The following OPCML variants were observed in gnomAD, a reference collection of about 807,000 sequenced individuals.
OPCML encodes the protein opioid-binding protein/cell adhesion molecule.
In OPCML, 13 loss-of-function variants were observed where a neutral mutation model predicts 37.8. The observed-to-expected ratio is 0.34, with a 90% CI of 0.22 to 0.55. The LOEUF is 0.55. OPCML is among the 20% of genes least tolerant of loss of function. OPCML has a pLI of 0.91. For missense variants in OPCML, 341 were observed against 435.6 expected (o/e 0.78, Z 1.93); for synonymous variants, 176 against 168.8 (o/e 1.04, Z -0.33).
intron 1 of OPCML, among the ~76,000 whole-genome samples, chr11:133,307,163 C>T (rs183281662): frequency 2.0e-5 from 3 of 151,996 alleles, no homozygotes; most frequent in Admixed American, 6.6e-5. Flanking sequence ...ACATCCATTT[C>T]GAAAGTAAAA....
intron 1 of OPCML, among the ~76,000 whole-genome samples, chr11:133,520,342 C>T (rs965772964): frequency 6.6e-6 from 1 of 152,104 alleles, no homozygotes; most frequent in African/African-American, 2.4e-5. Context: ...GAAGCTGAGC[C>T]TGCTGGATTA....
chr11:132,962,310 G>A lies in OPCML; in HGVS notation c.62-19300C>T, dbSNP rs923045557. Among the ~76,000 whole-genome samples the A allele has an allele frequency of 3.9e-5, 6 of 152,240 alleles. No individual in the cohort carries two copies. In the South Asian group the frequency reaches 8.3e-4, roughly 21 times the overall value. ...CAATTATCTCAGCCAATCCCGGCCC[G>A]GGCTCTCTCTGCCTGCTCACCCTCC... On this transcript the variant is annotated intron_variant, in intron 1 of 7. Transcript: ENST00000524381.
intron 1 of OPCML, chr11:133,005,791 T>C: frequency 4.1e-6 from 4 of 984,756 alleles, no homozygotes; most frequent in Non-Finnish European, 4.8e-6. Flanking sequence ...ACTCCTTCAA[T>C]TAGGAGATGG....
intron 1 of OPCML, chr11:133,420,292 A>C (rs1432037926): frequency 2.0e-5 from 20 of 985,338 alleles, no homozygotes; most frequent in Non-Finnish European, 2.4e-5. Flanking sequence ...CGTCTTTGGC[A>C]CGAAGTGCAA....
At chr11:132,759,776 G>GTT (rs1221594527) in intron 2 of OPCML, among the ~76,000 whole-genome samples, 1 of 152,034 alleles carries the variant, frequency 6.6e-6, no homozygotes, top group African/African-American at 2.4e-5. Flanking sequence ...TTTTTGAAGG[G>GTT]TTTTTCGTGT....
chr11:132,520,451 T>A (rs969189930), intron 4 of OPCML, among the ~76,000 whole-genome samples: 2 of 152,172 alleles, frequency 1.3e-5, no homozygotes, highest in African/African-American at 4.8e-5. Context: ...TTGAGATGAT[T>A]CATGTGAAAA....
chr11:132,639,736 G>A (rs2135718181), intron 3 of OPCML, among the ~76,000 whole-genome samples: 1 of 152,314 alleles, frequency 6.6e-6, no homozygotes, highest in Middle Eastern at 3.4e-3. Flanking sequence ...GAAGGATTAA[G>A]GAGCTGGTAA....
At chr11:132,856,510 C>T (rs1019505293) in intron 2 of OPCML, among the ~76,000 whole-genome samples, 2 of 152,136 alleles carry the variant, frequency 1.3e-5, no homozygotes, top group Admixed American at 6.5e-5. Context: ...TCACAGCCAG[C>T]ACCAGGGAAA....
chr11:132,560,304 C>A (rs965916795), intron 3 of OPCML, among the ~76,000 whole-genome samples: 2 of 152,156 alleles, frequency 1.3e-5, no homozygotes, highest in African/African-American at 4.8e-5. Context: ...TATCAAAAAT[C>A]AAAATCTAAT....
At chr11:132,821,435 G>A (rs1939980180) in intron 2 of OPCML, among the ~76,000 whole-genome samples, 2 of 152,304 alleles carry the variant, frequency 1.3e-5, no homozygotes, top group South Asian at 4.1e-4. Flanking sequence ...AAGACAACCA[G>A]CTCCATGTGC....
At chr11:133,521,630 C>T (rs1024408946) in intron 1 of OPCML, among the ~76,000 whole-genome samples, 1 of 152,236 alleles carries the variant, frequency 6.6e-6, no homozygotes, top group African/African-American at 2.4e-5. Flanking sequence ...AAGAGGCATC[C>T]ATCCCAGTGC....
chr11:133,532,290 G>A lies in OPCML; in HGVS notation c.35C>T (p.Ala12Val), dbSNP rs1042428514. Reference sequence around the variant, plus strand: ...TGGGATGAAGAGCAGGGCAGTTGTCGCCGAGAAGACGACCCAGTAGGCAGG... The same window carrying A: ...TGGGATGAAGAGCAGGGCAGTTGTCACCGAGAAGACGACCCAGTAGGCAGG... ...YHPAYWVVFS[A>V]TTALLFIPGV... The change falls in exon 1 of 8, where the codon GCG (alanine) becomes GTG (valine). Residue 12 changes from alanine (A) to valine (V), a missense_variant. Transcript: ENST00000524381. The A allele has an allele frequency of 6.2e-7, 1 of 1,614,036 alleles. No individual in the cohort carries two copies. Among genetic ancestry groups the A allele is most frequent in the Non-Finnish European group, 8.5e-7 (1 of 1,179,970 alleles).
intron 3 of OPCML, among the ~76,000 whole-genome samples, chr11:132,568,067 T>A (rs1418757100): frequency 6.6e-6 from 1 of 151,882 alleles, no homozygotes; most frequent in African/African-American, 2.4e-5. Flanking sequence ...TGTGTGTGTG[T>A]GTTTGATTAG....
chr11:132,753,228 C>T (rs553061667), intron 2 of OPCML, among the ~76,000 whole-genome samples: 139 of 152,288 alleles, frequency 9.1e-4, no homozygotes, highest in African/African-American at 2.6e-3. Context: ...CTGATACATT[C>T]TCCCAGCACT....
At chr11:132,503,216 A>T (rs1405153714) in intron 4 of OPCML, among the ~76,000 whole-genome samples, 2 of 152,110 alleles carry the variant, frequency 1.3e-5, no homozygotes, top group Non-Finnish European at 2.9e-5. Flanking sequence ...GTGATGTTTT[A>T]TTGGAACTTT....
intron 4 of OPCML, among the ~76,000 whole-genome samples, chr11:132,442,439 T>G (rs1252735532): frequency 6.6e-6 from 1 of 152,218 alleles, no homozygotes; most frequent in Admixed American, 6.5e-5. Context: ...TCCTGTTTAT[T>G]GCCTCAGCCA....
At chr11:133,198,585 G>T (rs1485645839) in intron 1 of OPCML, among the ~76,000 whole-genome samples, 1 of 152,220 alleles carries the variant, frequency 6.6e-6, no homozygotes, top group African/African-American at 2.4e-5. Flanking sequence ...AGACAAGAGG[G>T]CAGCATGGGA....
intron 1 of OPCML, among the ~76,000 whole-genome samples, chr11:133,377,385 A>T (rs1190694536): frequency 6.6e-6 from 1 of 152,016 alleles, no homozygotes; most frequent in Non-Finnish European, 1.5e-5. Flanking sequence ...TACATTTTCC[A>T]AACATTTTGC....
At position 132,497,176 on chromosome 11, in the gene OPCML, T is replaced by C. The variant is rs566860601; in HGVS notation, c.505+31885A>G. Among the ~76,000 whole-genome samples, 332 of 151,958 alleles carry C rather than the reference T, an allele frequency of 2.2e-3. 5 individuals carry two copies. Among genetic ancestry groups the C allele is most frequent in the South Asian group, 6.0e-3 (29 of 4,802 alleles). Reference sequence around the variant, plus strand: ...AACACCACATGTTCTCACTTATAAGTGGGGGCTGAATACTGAGAACACATA... The same window carrying C: ...AACACCACATGTTCTCACTTATAAGCGGGGGCTGAATACTGAGAACACATA... On this transcript the variant is annotated intron_variant, in intron 4 of 7. Coordinates refer to ENST00000524381, the MANE Select transcript of OPCML (RefSeq NM_001012393.5).
Sources: allele counts gnomAD v4.1 joint callset (sites outside exome capture counted in the v4.1 genomes callset), GRCh38; gene constraint gnomAD v4.1.1; transcripts MANE v1.5; gene names NCBI Gene and HGNC (gene_info 2026-07-23, HGNC 2026-07-21).